Variants in ZNF684 observed in about 807,000 individuals in gnomAD.
ZNF684 encodes the protein hypothetical protein MGC27466.
In ZNF684, 13 loss-of-function variants were observed where a neutral mutation model predicts 12.8. That is an observed-to-expected ratio of 1.02 (90% CI 0.66 to 1.62). The LOEUF (loss-of-function observed/expected upper bound fraction) is 1.62. Ranked by LOEUF, ZNF684 falls within the 40% of genes most tolerant of loss-of-function variation. The probability of loss-of-function intolerance (pLI) is 0.00; values close to 1 mark genes in which losing one functional copy is unlikely to be tolerated. For missense variants in ZNF684, 384 were observed against 446.9 expected (o/e 0.86, Z 1.27); for synonymous variants, 118 against 151.8 (o/e 0.78, Z 1.64).
At chr1:40,544,347 G>A (rs1290418783) in intron 4 of ZNF684, 1 of 414,380 alleles carries the variant, frequency 2.4e-6, no homozygotes, top group Non-Finnish European at 4.8e-6. Context: ...TAAATAAAAA[G>A]TAAAAGTTTT....
intron 1 of ZNF684, 24 bp from the exon 2 acceptor site, chr1:40,533,119 T>G (rs1212449820): frequency 6.2e-7 from 1 of 1,605,116 alleles, no homozygotes; most frequent in African/African-American, 1.3e-5. Context: ...CTTTCTATTC[T>G]CTTCCCCATT....
At chr1:40,544,770 A>G (rs957209215) in intron 4 of ZNF684, 3 of 152,806 alleles carry the variant, frequency 2.0e-5, no homozygotes, top group Non-Finnish European at 4.4e-5. Context: ...TGACTATCTT[A>G]GAAATTCATA....
intron 2 of ZNF684, among the ~76,000 whole-genome samples, chr1:40,535,857 A>G (rs1645981034): frequency 6.6e-6 from 1 of 152,202 alleles, no homozygotes; most frequent in African/African-American, 2.4e-5. Context: ...TTTGAAGGTC[A>G]TACAGCCTCT....
chr1:40,544,880 G>C (rs1334915551), intron 4 of ZNF684: 1 of 152,148 alleles, frequency 6.6e-6, no homozygotes, highest in Non-Finnish European at 1.5e-5. Context: ...CTAAGTTCTA[G>C]ATAGGACGAG....
chr1:40,543,493 G>A (rs1384979543), intron 4 of ZNF684, among the ~76,000 whole-genome samples: 1 of 135,746 alleles, frequency 7.4e-6, no homozygotes, highest in East Asian at 2.2e-4. Context: ...GTCTTGCTCT[G>A]TTGCCCAGGC....
At chr1:40,546,058 G>A (rs1426496568) in intron 4 of ZNF684, among the ~76,000 whole-genome samples, 3 of 151,618 alleles carry the variant, frequency 2.0e-5, no homozygotes, top group South Asian at 2.1e-4. Context: ...GAGTAGCTGG[G>A]ACTACAGGCA....
Position 40,535,589 on chromosome 1 carries a change from G to GTT in ZNF684, c.15+2409_15+2410dup, listed in dbSNP as rs201419736. Among the ~76,000 whole-genome samples the GTT allele has an allele frequency of 1.9e-3, 255 of 131,098 alleles. 3 individuals are homozygous for GTT. The highest frequency in any genetic ancestry group is 7.0e-3 in the African/African-American group (242 of 34,420). 86.0% of individuals were successfully genotyped at this position (131,098 alleles called of 152,430 possible). ...GTTTCCTCTTGTATTCTAGTAGATAGTTGTTTTTTTTTTATTTTGTTTTTA... is the reference window on the plus strand; with the variant it reads ...GTTTCCTCTTGTATTCTAGTAGATAGTTTTGTTTTTTTTTTATTTTGTTTTTA... On this transcript the variant is annotated intron_variant, in intron 2 of 4. Transcript: ENST00000372699.
intron 2 of ZNF684, among the ~76,000 whole-genome samples, chr1:40,535,659 A>G (rs912462030): frequency 6.6e-6 from 1 of 152,028 alleles, no homozygotes; most frequent in Non-Finnish European, 1.5e-5. Flanking sequence ...TTTAATAACT[A>G]GGGACTTTTG....
intron 4 of ZNF684, among the ~76,000 whole-genome samples, chr1:40,545,388 C>A (rs984773077): frequency 3.3e-5 from 5 of 152,044 alleles, no homozygotes; most frequent in African/African-American, 1.2e-4. Context: ...AATGTGAATT[C>A]AAGAGCAAAG....
rs755262327 is a variant in ZNF684, at chr1:40,547,083, T to C, written c.760T>C (p.Trp254Arg). 5 of 1,614,056 alleles carry C rather than the reference T, an allele frequency of 3.1e-6. No homozygotes were observed. The African/African-American group carries it at 5.3e-5, about 17-fold the overall frequency. Residue 254 changes from tryptophan (W) to arginine (R), a missense_variant, in exon 5 of 5, where the codon TGG becomes CGG. Physicochemically the swap from Trp to Arg is moderately radical, Grantham distance 101. Coordinates refer to ENST00000372699, the MANE Select transcript of ZNF684 (RefSeq NM_152373.4). Reference protein sequence around the residue: ...ECSQCGKTFTWNSSFNQHVKS... With the variant: ...ECSQCGKTFTRNSSFNQHVKS... ...CAGTCAATGTGGGAAAACATTCACT[T>C]GGAACTCCTCATTTAATCAACACGT...
At chr1:40,546,057 G>A (rs1646045332) in intron 4 of ZNF684, among the ~76,000 whole-genome samples, 2 of 151,440 alleles carry the variant, frequency 1.3e-5, no homozygotes, top group African/African-American at 4.9e-5. Context: ...TGAGTAGCTG[G>A]GACTACAGGC....
chr1:40,532,343 A>G (rs1469397033), intron 1 of ZNF684, among the ~76,000 whole-genome samples: 1 of 145,478 alleles, frequency 6.9e-6, no homozygotes, highest in African/African-American at 2.6e-5. Flanking sequence ...ACTCAGATAC[A>G]TTTTCTCCAA....
At chr1:40,537,427 CA>C (rs1178943799) in intron 2 of ZNF684, among the ~76,000 whole-genome samples, 4 of 151,790 alleles carry the variant, frequency 2.6e-5, no homozygotes, top group Admixed American at 2.6e-4. Flanking sequence ...TATCATACCA[CA>C]AAAGTGACCC....
At chr1:40,534,800 C>T (rs1394504874) in intron 2 of ZNF684, among the ~76,000 whole-genome samples, 3 of 151,208 alleles carry the variant, frequency 2.0e-5, no homozygotes, top group Non-Finnish European at 4.4e-5. Flanking sequence ...CAAGACCAGC[C>T]TGGGCAATAT....
At chr1:40,546,309 T>G (rs1166784468) in intron 4 of ZNF684, among the ~76,000 whole-genome samples, 1 of 152,210 alleles carries the variant, frequency 6.6e-6, no homozygotes, top group East Asian at 1.9e-4. Flanking sequence ...GCACCCTCGT[T>G]GAGCAGCCTT....
Position 40,547,114 on chromosome 1 carries a change from C to T in ZNF684, c.791C>T (p.Ser264Phe), listed in dbSNP as rs1267506227. ...WNSSFNQHVK[S>F]HTLEKSFECK... Reference sequence around the variant, plus strand: ...TCCTCATTTAATCAACACGTGAAATCTCATACACTTGAGAAGTCATTTGAA... The same window carrying T: ...TCCTCATTTAATCAACACGTGAAATTTCATACACTTGAGAAGTCATTTGAA... The change falls in exon 5 of 5, where the codon TCT (serine) becomes TTT (phenylalanine). Residue 264 changes from serine to phenylalanine, a missense_variant. Coordinates refer to ENST00000372699, the MANE Select transcript of ZNF684 (RefSeq NM_152373.4). The T allele has an allele frequency of 1.2e-6, 2 of 1,614,210 alleles. No individual in the cohort carries two copies. The highest frequency in any genetic ancestry group is 4.5e-5 in the East Asian group (2 of 44,886).
At chr1:40,538,511 G>A (rs72935451) in intron 2 of ZNF684, among the ~76,000 whole-genome samples, 22,517 of 152,024 alleles carry the variant, frequency 0.15, 1,856 homozygotes, top group Middle Eastern at 0.24. Context: ...TTGAATTCTC[G>A]TGGGTATATA....
intron 3 of ZNF684, 127 bp downstream of exon 3, chr1:40,540,839 A>C: frequency 1.0e-6 from 1 of 973,802 alleles, no homozygotes; most frequent in Non-Finnish European, 1.4e-6. Flanking sequence ...TTTGGGAGGC[A>C]GGAGAATTGC....
At chr1:40,544,206 TAC>T (rs2124511782) in intron 4 of ZNF684, among the ~76,000 whole-genome samples, 1 of 152,300 alleles carries the variant, frequency 6.6e-6, no homozygotes, top group East Asian at 1.9e-4. Flanking sequence ...TTAAAAATGT[TAC>T]CTGAAAAGGT....
Sources: gnomAD v4.1 joint callset for allele counts (sites outside exome capture counted in the v4.1 genomes callset) on GRCh38, gnomAD v4.1.1 for gene constraint, MANE v1.5 for transcripts, NCBI Gene and HGNC (gene_info 2026-07-23, HGNC 2026-07-21) for gene names.